Variants in ANKFN1 observed in about 807,000 individuals in gnomAD.
ANKFN1 encodes ankyrin repeat and fibronectin type III domain containing 1, also known as ankyrin repeat and fibronectin type-III domain-containing protein 1.
A neutral mutation model predicts 108.7 loss-of-function variants in ANKFN1; 74 were observed. The ratio of observed to expected loss-of-function variants is 0.68; its 90% CI spans 0.56 to 0.83. ANKFN1 has a LOEUF of 0.83. ANKFN1 is among the 40% of genes least tolerant of loss of function. The pLI is 0.00. For missense variants in ANKFN1, 1,505 were observed against 1,382.3 expected (o/e 1.09, Z -1.41); for synonymous variants, 547 against 516.2 (o/e 1.06, Z -0.81).
At chr17:56,457,206 T>A (rs767794256) in intron 12 of ANKFN1, 51 bp from the exon 13 acceptor site, 2 of 1,493,200 alleles carry the variant, frequency 1.3e-6, no homozygotes, top group Non-Finnish European at 1.8e-6. Context: ...CAAAAAAATA[T>A]TTTTCCAAGA....
At chr17:56,050,973 G>A (rs1250303512) in intron 4 of ANKFN1, among the ~76,000 whole-genome samples, 21 of 131,652 alleles carry the variant, frequency 1.6e-4, no homozygotes, top group Admixed American at 8.1e-4. Context: ...ATTCACAGCC[G>A]AATTCTACCA....
chr17:56,342,249 AG>A (rs1266426605), intron 4 of ANKFN1, among the ~76,000 whole-genome samples: 2 of 149,750 alleles, frequency 1.3e-5, no homozygotes, highest in Middle Eastern at 3.4e-3. Context: ...TCAAAGAAAA[AG>A]CTCCTTGATT....
At chr17:56,398,706 C>T (rs1293038978) in intron 8 of ANKFN1, among the ~76,000 whole-genome samples, 1 of 152,104 alleles carries the variant, frequency 6.6e-6, no homozygotes, top group East Asian at 1.9e-4. Flanking sequence ...CATGAATTGG[C>T]AAAGACACAG....
chr17:56,081,519 A>G (rs1181164805), intron 4 of ANKFN1, among the ~76,000 whole-genome samples: 1 of 151,770 alleles, frequency 6.6e-6, no homozygotes, highest in Non-Finnish European at 1.5e-5. Context: ...CGCCCAGGTA[A>G]TTTTTGTATT....
chr17:56,202,152 C>T (rs1409819537), intron 1 of ANKFN1, among the ~76,000 whole-genome samples: 7 of 152,160 alleles, frequency 4.6e-5, no homozygotes, highest in East Asian at 1.9e-4. Flanking sequence ...AACAGAGCAG[C>T]GGGAGAGTTG....
At chr17:56,486,106 A>T (rs1388480318) in intron 18 of ANKFN1, among the ~76,000 whole-genome samples, 1 of 152,230 alleles carries the variant, frequency 6.6e-6, no homozygotes, top group Non-Finnish European at 1.5e-5. Context: ...GCAATATGAG[A>T]GCATCAGATA....
At chr17:56,397,853 C>T (rs946547803) in intron 8 of ANKFN1, among the ~76,000 whole-genome samples, 4 of 152,110 alleles carry the variant, frequency 2.6e-5, no homozygotes, top group East Asian at 1.9e-4. Context: ...AGTCATATCT[C>T]GTCTTTAAAC....
At chr17:56,455,285 G>C (rs1173144590) in intron 11 of ANKFN1, among the ~76,000 whole-genome samples, 4 of 152,134 alleles carry the variant, frequency 2.6e-5, no homozygotes, top group Admixed American at 1.3e-4. Context: ...TGGGGAAAGG[G>C]TAGTATGTAA....
intron 3 of ANKFN1, among the ~76,000 whole-genome samples, chr17:56,300,476 T>G (rs1254629705): frequency 6.6e-6 from 1 of 152,198 alleles, no homozygotes; most frequent in Non-Finnish European, 1.5e-5. Flanking sequence ...TCTGTTTCCT[T>G]TACACTTAAC....
At chr17:56,159,559 A>C (rs1480844641) in intron 1 of ANKFN1, among the ~76,000 whole-genome samples, 3 of 152,238 alleles carry the variant, frequency 2.0e-5, no homozygotes, top group African/African-American at 7.2e-5. Flanking sequence ...TAAGATGTTG[A>C]CAAGTAATAA....
chr17:56,134,998 C>T (rs911083739), intron 4 of ANKFN1, among the ~76,000 whole-genome samples: 3 of 152,212 alleles, frequency 2.0e-5, no homozygotes, highest in South Asian at 4.1e-4. Flanking sequence ...TGGTATCATT[C>T]ATGCGGTGAA....
At chr17:56,454,656 G>A (rs1390697502) in intron 11 of ANKFN1, among the ~76,000 whole-genome samples, 1 of 152,144 alleles carries the variant, frequency 6.6e-6, no homozygotes, top group Non-Finnish European at 1.5e-5. Flanking sequence ...GAATCTTTGG[G>A]TACGTTCTCT....
chr17:56,425,074 C>T lies in ANKFN1; in HGVS notation c.911-15253C>T, dbSNP rs373264708. On this transcript the variant is annotated intron_variant, in intron 8 of 20. Transcript: ENST00000682825. Reference sequence around the variant, plus strand: ...GAGAGCATGGCTTTTGATATGACCACGATATATGATTTGGAAATTTTTAAG... The same window carrying T: ...GAGAGCATGGCTTTTGATATGACCATGATATATGATTTGGAAATTTTTAAG... 1.8e-4 allele frequency among the ~76,000 whole-genome samples: 27 copies of T among 149,496 alleles called. 1 individual carries two copies. Among genetic ancestry groups the T allele is most frequent in the African/African-American group, 6.4e-4 (26 of 40,412 alleles).
intron 1 of ANKFN1, among the ~76,000 whole-genome samples, chr17:56,167,318 CAT>C (rs72496812): frequency 0.13 from 16,636 of 132,992 alleles, 1,163 homozygotes; most frequent in African/African-American, 0.2. Context: ...CACACACACA[CAT>C]ATATATATAT....
At chr17:56,326,568 A>G (rs2045522912) in intron 4 of ANKFN1, among the ~76,000 whole-genome samples, 1 of 152,182 alleles carries the variant, frequency 6.6e-6, no homozygotes, top group African/African-American at 2.4e-5. Flanking sequence ...GTGGAGAGAG[A>G]GGATGGGGGT....
chr17:56,355,081 G>A (rs2046339745), intron 6 of ANKFN1, among the ~76,000 whole-genome samples: 1 of 152,142 alleles, frequency 6.6e-6, no homozygotes, highest in South Asian at 2.1e-4. Context: ...ATATTACAAA[G>A]TAGCTAGAAG....
At chr17:56,425,557 T>G (rs1168136651) in intron 8 of ANKFN1, among the ~76,000 whole-genome samples, 2 of 152,254 alleles carry the variant, frequency 1.3e-5, no homozygotes, top group African/African-American at 2.4e-5. Context: ...ATCTTATTTC[T>G]AAAGTCACAC....
Position 56,376,042 on chromosome 17 carries a change from C to T in ANKFN1, c.910+1328C>T, listed in dbSNP as rs531289412. On this transcript the variant is annotated intron_variant, in intron 8 of 20. Coordinates refer to ENST00000682825, the MANE Select transcript of ANKFN1 (RefSeq NM_001370326.1). ...ACATATGGAATTACACTGAACAGCC[C>T]TAAAAGCTGATAAAGCTCTCCACAC... Among the ~76,000 whole-genome samples, 40 of 152,268 alleles carry T rather than the reference C, an allele frequency of 2.6e-4. No homozygotes were observed. In the South Asian group the frequency reaches 6.4e-3, roughly 24 times the overall value.
At chr17:56,170,835 T>C (rs371047704) in intron 1 of ANKFN1, among the ~76,000 whole-genome samples, 6,183 of 89,234 alleles carry the variant, frequency 0.069, 373 homozygotes, top group African/African-American at 0.14. Context: ...CACACACACA[T>C]ATACACACAT....
Sources: gnomAD v4.1 joint callset for allele counts (sites outside exome capture counted in the v4.1 genomes callset) on GRCh38, gnomAD v4.1.1 for gene constraint, MANE v1.5 for transcripts, NCBI Gene and HGNC (gene_info 2026-07-23, HGNC 2026-07-21) for gene names.